The following TEX36 variants were observed in gnomAD, a reference collection of about 807,000 sequenced individuals.
TEX36 encodes the protein testis expressed 36, also known as testis-expressed protein 36.
Under a neutral mutation model 13.6 loss-of-function variants are expected in TEX36, and 12 were observed. The ratio of observed to expected loss-of-function variants is 0.88; its 90% CI spans 0.56 to 1.43. The LOEUF (loss-of-function observed/expected upper bound fraction) is 1.43. Ranked by LOEUF, TEX36 falls within the 40% of genes most tolerant of loss-of-function variation. The pLI, the probability that TEX36 is intolerant of heterozygous loss-of-function variation, is 0.00. For missense variants in TEX36, 224 were observed against 228.3 expected (o/e 0.98, Z 0.12); for synonymous variants, 93 against 83.0 (o/e 1.12, Z -0.65).
chr10:125,648,509 C>T (rs1039338355), intron 3 of TEX36, among the ~76,000 whole-genome samples: 31 of 152,162 alleles, frequency 2.0e-4, no homozygotes, highest in Admixed American at 1.3e-4. Flanking sequence ...TGTATGTTAC[C>T]ATCATCAAAG....
At chr10:125,582,548 C>T (rs946588008) in intron 3 of TEX36, among the ~76,000 whole-genome samples, 3 of 152,206 alleles carry the variant, frequency 2.0e-5, no homozygotes, top group Admixed American at 1.3e-4. Context: ...TGGCCAAGTG[C>T]ACTGGATTTT....
At chr10:125,660,394 G>A (rs1847015729) in intron 3 of TEX36, among the ~76,000 whole-genome samples, 1 of 152,108 alleles carries the variant, frequency 6.6e-6, no homozygotes, top group Admixed American at 6.6e-5. Flanking sequence ...CAAACTGCTG[G>A]GATTTCAGGG....
intron 1 of TEX36, among the ~76,000 whole-genome samples, chr10:125,672,069 A>G (rs904793663): frequency 6.6e-6 from 1 of 151,414 alleles, no homozygotes; most frequent in Non-Finnish European, 1.5e-5. Context: ...AATGTTTTCA[A>G]AAAAACCACC....
chr10:125,588,879 G>T (rs1349333933), intron 3 of TEX36, among the ~76,000 whole-genome samples: 1 of 152,184 alleles, frequency 6.6e-6, no homozygotes, highest in Non-Finnish European at 1.5e-5. Flanking sequence ...GCCTCCCAAA[G>T]TGCTGGGATT....
rs375777421 is a variant in TEX36, at chr10:125,607,780, G to A, written c.265-30906C>T. 7.2e-5 allele frequency among the ~76,000 whole-genome samples: 11 copies of A among 152,102 alleles called. No homozygotes were observed. The South Asian group carries it at 8.3e-4, about 11-fold the overall frequency. ...AGTCAGTGCTCAATAAATATTTACTGGGTAAGCAAATGACTGAGGCAATGA... is the reference window on the plus strand; with the variant it reads ...AGTCAGTGCTCAATAAATATTTACTAGGTAAGCAAATGACTGAGGCAATGA... On this transcript the variant is annotated intron_variant, in intron 3 of 3. Coordinates refer to the TEX36 transcript ENST00000532135.
chr10:125,676,061 T>C (rs369390908), intron 1 of TEX36, among the ~76,000 whole-genome samples: 148 of 152,350 alleles, frequency 9.7e-4, no homozygotes, highest in African/African-American at 3.4e-3. Context: ...GAATGTTCCA[T>C]AGGCTGATGA....
intron 3 of TEX36, among the ~76,000 whole-genome samples, chr10:125,607,342 A>C (rs1430543628): frequency 6.6e-6 from 1 of 152,248 alleles, no homozygotes; most frequent in African/African-American, 2.4e-5. Context: ...TGGTTGGTTT[A>C]TCCAAAAGGT....
intron 1 of TEX36, among the ~76,000 whole-genome samples, chr10:125,672,382 T>C (rs942636794): frequency 6.6e-6 from 1 of 152,238 alleles, no homozygotes; most frequent in Non-Finnish European, 1.5e-5. Context: ...TTAATTTCAT[T>C]ATTTTTCCAG....
intron 3 of TEX36, among the ~76,000 whole-genome samples, chr10:125,656,719 A>G (rs577328906): frequency 9.9e-5 from 15 of 152,256 alleles, no homozygotes; most frequent in African/African-American, 3.4e-4. Context: ...TTGTCCTCAC[A>G]GTCTTCTGGT....
chr10:125,665,873 C>A (rs1847112745), intron 1 of TEX36, among the ~76,000 whole-genome samples: 1 of 152,132 alleles, frequency 6.6e-6, no homozygotes, highest in African/African-American at 2.4e-5. Flanking sequence ...TCTTTAATTT[C>A]TTTCATCAAT....
chr10:125,669,306 T>A (rs1380591979), intron 1 of TEX36, among the ~76,000 whole-genome samples: 6 of 148,586 alleles, frequency 4.0e-5, no homozygotes, highest in African/African-American at 1.5e-4. Flanking sequence ...AATAAATAAA[T>A]AAAATAAATA....
chr10:125,652,639 A>G (rs574230787), downstream of TEX36, among the ~76,000 whole-genome samples: 2 of 152,226 alleles, frequency 1.3e-5, no homozygotes, highest in African/African-American at 4.8e-5. Flanking sequence ...GACAAATGGG[A>G]TCTAATCAAA....
chr10:125,586,745 C>T (rs529822759), intron 3 of TEX36, among the ~76,000 whole-genome samples: 2 of 149,742 alleles, frequency 1.3e-5, no homozygotes, highest in African/African-American at 2.5e-5. Context: ...AGGCAGAGGT[C>T]GCAGCACTGC....
At chr10:125,644,101 A>AT (rs1846731651) in intron 3 of TEX36, among the ~76,000 whole-genome samples, 2 of 152,218 alleles carry the variant, frequency 1.3e-5, no homozygotes, top group Admixed American at 6.5e-5. Context: ...GCAGAATCAA[A>AT]TATTACACCC....
intron 1 of TEX36, among the ~76,000 whole-genome samples, chr10:125,679,303 C>T (rs1847360048): frequency 1.3e-5 from 2 of 152,190 alleles, no homozygotes; most frequent in South Asian, 4.1e-4. Flanking sequence ...TCTCAGCTCA[C>T]TCCTCAGTCC....
chr10:125,661,254 AG>A (rs1160537297), intron 2 of TEX36, among the ~76,000 whole-genome samples, 153 bp from the exon 3 acceptor site: 1 of 152,148 alleles, frequency 6.6e-6, no homozygotes, highest in African/African-American at 2.4e-5. Flanking sequence ...CAGACACAGG[AG>A]GGGGAGGATA....
At chr10:125,633,740 G>T (rs1424794450) in intron 3 of TEX36, among the ~76,000 whole-genome samples, 1 of 152,226 alleles carries the variant, frequency 6.6e-6, no homozygotes, top group Non-Finnish European at 1.5e-5. Context: ...TTGTTGGAAG[G>T]ATTGGTGAGT....
At chr10:125,623,431 A>C (rs911370648) in intron 3 of TEX36, among the ~76,000 whole-genome samples, 6 of 152,174 alleles carry the variant, frequency 3.9e-5, no homozygotes, top group African/African-American at 1.4e-4. Context: ...CAATCCAATC[A>C]AATTGATACC....
intron 3 of TEX36, among the ~76,000 whole-genome samples, chr10:125,588,179 T>C (rs951734786): frequency 1.3e-5 from 2 of 152,260 alleles, no homozygotes; most frequent in East Asian, 3.8e-4. Flanking sequence ...ACATTTGTAA[T>C]TTGGATAGAA....
Sources: gnomAD v4.1 joint callset for allele counts (sites outside exome capture counted in the v4.1 genomes callset) on GRCh38, gnomAD v4.1.1 for gene constraint, MANE v1.5 for transcripts, NCBI Gene and HGNC (gene_info 2026-07-23, HGNC 2026-07-21) for gene names.